UBR1: variants seen among roughly 807,000 people sequenced by gnomAD.
The protein encoded by UBR1 is ubiquitin protein ligase E3 component n-recognin 1.
A neutral mutation model predicts 242.1 loss-of-function variants in UBR1; 102 were observed. The ratio of observed to expected loss-of-function variants is 0.42; its 90% CI spans 0.36 to 0.50. The LOEUF is 0.50. Ranked by LOEUF, UBR1 falls within the 20% of genes least tolerant of loss-of-function variation. UBR1 has a pLI of 0.01. For missense variants in UBR1, 1,772 were observed against 2,101.8 expected, an observed-to-expected ratio of 0.84 and a Z score of 3.07; for synonymous variants, 675 against 684.8, an observed-to-expected ratio of 0.99 and a Z score of 0.22.
chr15:43,037,965 T>G, intron 16 of UBR1, 82 bp from the exon 17 acceptor site: 1 of 1,384,228 alleles, frequency 7.2e-7, no homozygotes, highest in Non-Finnish European at 1.0e-6. Flanking sequence ...TATTCTTCAG[T>G]TTTCTCACGT....
chr15:43,090,903 C>CAA (rs1455689681), intron 1 of UBR1, among the ~76,000 whole-genome samples: 2 of 152,066 alleles, frequency 1.3e-5, no homozygotes, highest in African/African-American at 2.4e-5. Context: ...TCTACTAAAC[C>CAA]AAACATAAAT....
At chr15:43,039,172 T>C (rs1023594033) in intron 15 of UBR1, among the ~76,000 whole-genome samples, 3 of 152,130 alleles carry the variant, frequency 2.0e-5, no homozygotes, top group African/African-American at 7.2e-5. Context: ...TTATGCCATA[T>C]ACAAACATTA....
At chr15:43,030,594 T>G (rs142403442) in intron 20 of UBR1, among the ~76,000 whole-genome samples, 1 of 152,220 alleles carries the variant, frequency 6.6e-6, no homozygotes, top group Middle Eastern at 3.2e-3. Context: ...GTATTAAAAA[T>G]GACTGGTGCT....
At chr15:43,021,726 T>A (rs2033112996) in intron 26 of UBR1, among the ~76,000 whole-genome samples, 1 of 152,192 alleles carries the variant, frequency 6.6e-6, no homozygotes, top group Non-Finnish European at 1.5e-5. Flanking sequence ...ATGGGATGAA[T>A]CCCTAGATAT....
In UBR1 at chr15:43,059,694, A is replaced by G; in HGVS notation, c.985+8T>C. 6.2e-7 allele frequency: 1 copy of G among 1,613,932 alleles called. No individual in the cohort carries two copies. On this transcript the variant is annotated splice_region_variant and intron_variant, in intron 8 of 46. Coordinates refer to ENST00000290650, the MANE Select transcript of UBR1 (RefSeq NM_174916.3). ...ATCAGAAACAAGAAAAACAGGAGGT[A>G]TGCTTACTTGAATAGCTCATAATTT...
Position 42,984,858 on chromosome 15 carries a change from TTACATGTACCTTGTTGGAATA to T in UBR1, c.4053+8_4053+28del. ...GGGGGGAAAAAAGGCATGCCATGAG[TTACATGTACCTTGTTGGAATA>T]TACATACCTGCCTATTTTGAAGTGC... On this transcript the variant is annotated splice_region_variant and intron_variant, in intron 36 of 46. Transcript: ENST00000290650. The T allele has an allele frequency of 6.3e-7, 1 of 1,594,488 alleles. No individual in the cohort carries two copies. The highest frequency in any genetic ancestry group is 8.6e-7 in the Non-Finnish European group (1 of 1,163,244).
At chr15:42,975,218 A>G (rs941047962) in intron 39 of UBR1, among the ~76,000 whole-genome samples, 1 of 152,246 alleles carries the variant, frequency 6.6e-6, no homozygotes, top group Non-Finnish European at 1.5e-5. Context: ...TATAAAACAC[A>G]TAAGCAAAAA....
intron 27 of UBR1, among the ~76,000 whole-genome samples, chr15:43,019,834 G>C (rs565200058): frequency 7.4e-5 from 11 of 148,546 alleles, no homozygotes; most frequent in African/African-American, 2.7e-4. Flanking sequence ...TTGAACTACT[G>C]ATCTTGTGAT....
intron 44 of UBR1, among the ~76,000 whole-genome samples, chr15:42,956,063 T>C (rs2031914598): frequency 6.6e-6 from 1 of 152,152 alleles, no homozygotes; most frequent in South Asian, 2.1e-4. Context: ...AGTGGTTTGA[T>C]TGAGGTGGGG....
At chr15:43,077,342 G>A (rs936544482) in intron 3 of UBR1, among the ~76,000 whole-genome samples, 2 of 151,998 alleles carry the variant, frequency 1.3e-5, no homozygotes, top group Non-Finnish European at 2.9e-5. Flanking sequence ...CTGTTGATCT[G>A]TGACCTTATC....
chr15:42,978,127 T>C (rs2032318750), intron 37 of UBR1, among the ~76,000 whole-genome samples, 180 bp from the exon 38 acceptor site: 2 of 152,220 alleles, frequency 1.3e-5, no homozygotes, highest in Non-Finnish European at 2.9e-5. Context: ...GAGAAAAGGC[T>C]GCTAGAAAGC....
rs119477054 is a variant in UBR1, at chr15:43,082,648, T to A, written c.407A>T (p.His136Leu). The change falls in exon 3 of 47, where the codon CAT becomes CTT. Residue 136 changes from histidine (H) to leucine (L), a missense_variant. By Grantham distance (99) the His-to-Leu change is moderately conservative. Coordinates refer to ENST00000290650, the MANE Select transcript of UBR1 (RefSeq NM_174916.3). ...DCFQDSVHKNHRYKMHTSTGG... is the reference protein window; with the variant it reads ...DCFQDSVHKNLRYKMHTSTGG... ...GTTATATTTTCTTACCTTGTAACGA[T>A]GATTTTTATGAACACTGTCCTGGAA... is the stretch of plus-strand genomic sequence containing the variant. The A allele has an allele frequency of 6.2e-7, 1 of 1,613,666 alleles. No individual in the cohort carries two copies. The highest frequency in any genetic ancestry group is 1.1e-5 in the South Asian group (1 of 91,080).
chr15:42,960,279 C>CA lies in UBR1; in HGVS notation c.4757+365dup, dbSNP rs1267530332. Among the ~76,000 whole-genome samples the CA allele has an allele frequency of 4.0e-5, 6 of 151,822 alleles. No homozygotes were observed. In the East Asian group the frequency reaches 9.7e-4, roughly 24 times the overall value. On this transcript the variant is annotated intron_variant, in intron 43 of 46. Transcript: ENST00000290650. ...CTATGTATATCTTGCTTTATTCTAA[C>CA]AAAAAAAATCAAAAACAAAAGTGGC...
intron 26 of UBR1, 83 bp from the exon 27 acceptor site, chr15:43,021,458 G>A (rs997688666): frequency 3.9e-6 from 5 of 1,288,980 alleles, no homozygotes; most frequent in African/African-American, 2.9e-5. Context: ...CAGGACCCCT[G>A]TGGACATCAA....
At chr15:42,957,156 C>T (rs2141252692) in intron 44 of UBR1, among the ~76,000 whole-genome samples, 1 of 152,154 alleles carries the variant, frequency 6.6e-6, no homozygotes, top group Admixed American at 6.5e-5. Context: ...AATAAACAAA[C>T]TCTTATATAT....
At chr15:42,976,679 A>C in intron 39 of UBR1, 38 bp downstream of exon 39, 1 of 1,612,522 alleles carries the variant, frequency 6.2e-7, no homozygotes, top group South Asian at 1.1e-5. Flanking sequence ...AGCATGGCAA[A>C]ATGTTATTCA....
At chr15:43,041,079 A>G (rs1002850891) in intron 15 of UBR1, among the ~76,000 whole-genome samples, 77 of 152,224 alleles carry the variant, frequency 5.1e-4, no homozygotes, top group Non-Finnish European at 1.1e-3. Context: ...TTGACCCAGC[A>G]ATCCCATTAC....
At chr15:43,031,273 T>G (rs2033253812) in intron 20 of UBR1, among the ~76,000 whole-genome samples, 1 of 150,434 alleles carries the variant, frequency 6.6e-6, no homozygotes, top group Non-Finnish European at 1.5e-5. Flanking sequence ...AAAAAAACAA[T>G]AAATTTGGGC....
chr15:43,021,991 C>A (rs1250432378), intron 26 of UBR1, among the ~76,000 whole-genome samples: 1 of 152,170 alleles, frequency 6.6e-6, no homozygotes, highest in Admixed American at 6.5e-5. Flanking sequence ...CCCTAAATAT[C>A]TGTCTCTGGT....
Sources: allele counts gnomAD v4.1 joint callset (sites outside exome capture counted in the v4.1 genomes callset), GRCh38; gene constraint gnomAD v4.1.1; transcripts MANE v1.5; gene names NCBI Gene and HGNC (gene_info 2026-07-23, HGNC 2026-07-21).